The following ADAMTS13 variants were observed in gnomAD, a reference collection of about 807,000 sequenced individuals.
The protein encoded by ADAMTS13 is ADAM metallopeptidase with thrombospondin type 1 motif 13, also known as A disintegrin and metalloproteinase with thrombospondin motifs 13.
Under a neutral mutation model 155.1 loss-of-function variants are expected in ADAMTS13, and 110 were observed. That is an observed-to-expected ratio of 0.71 (90% CI 0.61 to 0.83). ADAMTS13 has a LOEUF of 0.83. Ranked by LOEUF, ADAMTS13 falls within the 40% of genes least tolerant of loss-of-function variation. The pLI is 0.00. For synonymous variants in ADAMTS13, 758 were observed against 756.4 expected, an observed-to-expected ratio of 1.00 and a Z score of -0.03; for missense variants, 1,707 against 1,891.7, an observed-to-expected ratio of 0.90 and a Z score of 1.81.
At chr9:133,426,913 C>T (rs1840320636) in intron 6 of ADAMTS13, among the ~76,000 whole-genome samples, 1 of 152,088 alleles carries the variant, frequency 6.6e-6, no homozygotes, top group Non-Finnish European at 1.5e-5. Context: ...AAGTGATTCT[C>T]CCACCTCAGC....
At position 133,439,685 on chromosome 9, in the gene ADAMTS13, G is replaced by T. The variant is rs587687872; in HGVS notation, c.1786+239G>T. Among the ~76,000 whole-genome samples the T allele has an allele frequency of 2.0e-5, 3 of 152,368 alleles. No individual in the cohort carries two copies. The South Asian group carries it at 6.2e-4, about 32-fold the overall frequency. On this transcript the variant is annotated intron_variant, in intron 15 of 28. Coordinates refer to ENST00000355699, the MANE Select transcript of ADAMTS13 (RefSeq NM_139027.6). The stretch of plus-strand genomic sequence containing the variant: ...GTCCAAGGGAAGAGATGTAGGCAGA[G>T]TCTGGGAGGGTCCAACCAGGAGGCC...
At position 133,426,237 on chromosome 9, in the gene ADAMTS13, G is replaced by A. The variant is rs782083669; in HGVS notation, c.578G>A (p.Arg193Gln). The change falls in exon 6 of 29, where the codon CGG becomes CAG. Residue 193 changes from arginine (R) to glutamine (Q), a missense_variant. This residue lies in a region of ADAMTS13 where 733 missense variants were observed against 749.6 expected (regional missense o/e 0.98). Transcript: ENST00000355699. ...TTGCCTGATGGTAACCGGCAGGTGC[G>A]GGGCGTCACCCAGCTGGGCGGTGCC... ...LELPDGNRQV[R>Q]GVTQLGGACS... 17 of 1,613,304 alleles carry A rather than the reference G, an allele frequency of 1.1e-5. No homozygotes were observed. The highest frequency in any genetic ancestry group is 3.3e-5 in the South Asian group (3 of 91,088).
chr9:133,458,948 C>T, intron 28 of ADAMTS13, 26 bp from the exon 29 acceptor site: 2 of 1,604,986 alleles, frequency 1.2e-6, no homozygotes, highest in Non-Finnish European at 1.7e-6. Flanking sequence ...GTGGCCGGTC[C>T]TTCTGGGCTG....
chr9:133,422,604 G>C (rs782379249), intron 1 of ADAMTS13, 56 bp downstream of exon 1: 117 of 1,579,372 alleles, frequency 7.4e-5, no homozygotes, highest in Non-Finnish European at 8.7e-5. Flanking sequence ...GGGGTATTCT[G>C]AGCTACCTGG....
intron 27 of ADAMTS13, among the ~76,000 whole-genome samples, chr9:133,457,613 C>G (rs1311884492): frequency 6.6e-6 from 1 of 152,234 alleles, no homozygotes; most frequent in African/African-American, 2.4e-5. Context: ...TTGCCAGTTT[C>G]AGTGTTAAAC....
rs1554795941 is a variant in ADAMTS13 at position 133,456,249 on chromosome 9, T to C, written c.3547+34T>C. 1.9e-6 allele frequency: 3 copies of C among 1,613,018 alleles called. No individual in the cohort carries two copies. In the Admixed American group the frequency reaches 5.0e-5, roughly 27 times the overall value. ...AGGGCCATGCAAGCGATGCTGCCAG[T>C]TATGGGCCCTGCCAGGAGCCAGCAC... On this transcript the variant is annotated intron_variant, in intron 26 of 28. Coordinates refer to ENST00000355699, the MANE Select transcript of ADAMTS13 (RefSeq NM_139027.6). The surrounding 1 kb of genome is among the most constrained non-coding windows in gnomAD (Gnocchi z 4.4).
Position 133,432,003 on chromosome 9 carries a change from C to T in ADAMTS13, c.988-585C>T, listed in dbSNP as rs1432348438. On this transcript the variant is annotated intron_variant, in intron 8 of 28. Coordinates refer to ENST00000355699, the MANE Select transcript of ADAMTS13 (RefSeq NM_139027.6). Reference sequence around the variant, plus strand: ...ATTAGGCCAGGTGTGGTGGCTCACGCCTGTAATCCCAGCACTTTGGGAAGC... The same window carrying T: ...ATTAGGCCAGGTGTGGTGGCTCACGTCTGTAATCCCAGCACTTTGGGAAGC... Among the ~76,000 whole-genome samples the T allele has an allele frequency of 2.0e-5, 3 of 151,600 alleles. 1 individual carries two copies. In the East Asian group the frequency reaches 5.8e-4, roughly 29 times the overall value.
intron 14 of ADAMTS13, 92 bp from the exon 15 acceptor site, chr9:133,439,273 TC>T: frequency 9.9e-7 from 1 of 1,013,652 alleles, no homozygotes; most frequent in South Asian, 1.3e-5. Context: ...ATGGCATTGT[TC>T]AATTTTTCCC....
Position 133,426,954 on chromosome 9 carries a change from C to T in ADAMTS13, c.686+609C>T, listed in dbSNP as rs4962147. Among the ~76,000 whole-genome samples, 5 of 152,274 alleles carry T rather than the reference C, an allele frequency of 3.3e-5. No individual in the cohort carries two copies. The South Asian group carries it at 6.2e-4, about 19-fold the overall frequency. ...AAGTAGCTGGGATTACAGGCATGTGCCACCACGCCCAGCTAATTTTGTATT... is the reference window on the plus strand; with the variant it reads ...AAGTAGCTGGGATTACAGGCATGTGTCACCACGCCCAGCTAATTTTGTATT... On this transcript the variant is annotated intron_variant, in intron 6 of 28. Transcript: ENST00000355699.
At chr9:133,442,042 C>T (rs1307470062) in intron 16 of ADAMTS13, among the ~76,000 whole-genome samples, 1 of 152,226 alleles carries the variant, frequency 6.6e-6, no homozygotes, top group Non-Finnish European at 1.5e-5. Flanking sequence ...CCTTGCAGCT[C>T]AGCCAGTGTC....
chr9:133,436,778 ACCC>A, intron 11 of ADAMTS13, 48 bp from the exon 12 acceptor site: 2 of 433,944 alleles, frequency 4.6e-6, no homozygotes, highest in Non-Finnish European at 9.2e-6. Flanking sequence ...CAGTGACAAC[ACCC>A]GCCCCCCGCC....
At chr9:133,420,652 C>G (rs1839917748), upstream of ADAMTS13, among the ~76,000 whole-genome samples, 1 of 152,082 alleles carries the variant, frequency 6.6e-6, no homozygotes, top group African/African-American at 2.4e-5. Flanking sequence ...TGAAACCATC[C>G]CAGAGTTAAG....
chr9:133,437,161 C>T (rs1841300653), intron 12 of ADAMTS13, among the ~76,000 whole-genome samples: 1 of 152,140 alleles, frequency 6.6e-6, no homozygotes, highest in African/African-American at 2.4e-5. Context: ...GTCTCAATTT[C>T]CCATCTGTGA....
At chr9:133,419,276 G>A (rs1554782464), upstream of ADAMTS13, among the ~76,000 whole-genome samples, 4 of 152,176 alleles carry the variant, frequency 2.6e-5, no homozygotes. Flanking sequence ...CGGGGAGCAG[G>A]GTGAAGTATG....
Position 133,424,370 on chromosome 9 carries a change from G to A in ADAMTS13, c.222G>A (p.Arg74=). 1 of 1,613,380 alleles carries A rather than the reference G, an allele frequency of 6.2e-7. No individual in the cohort carries two copies. The highest frequency in any genetic ancestry group is 1.1e-5 in the South Asian group (1 of 91,060). ...AGAGGCAGAGGCAGAGGCAGAGGCG[G>A]GCTGCAGGCGGCATCCTACACCTGG... The part of the protein sequence containing the change: ...GFQRQRQRQR[R]AAGGILHLEL... Residue 74 remains arginine, a synonymous_variant, in exon 3 of 29, where the codon CGG becomes CGA. Coordinates refer to ENST00000355699, the MANE Select transcript of ADAMTS13 (RefSeq NM_139027.6). The surrounding 1 kb of genome is among the most constrained non-coding windows in gnomAD (Gnocchi z 4.3).
chr9:133,414,709 A>T (rs1167068707), intron 1 of ADAMTS13: 1 of 1,613,940 alleles, frequency 6.2e-7, no homozygotes, highest in Non-Finnish European at 8.5e-7. Context: ...TCCGCTTCTT[A>T]TGCTCGATGT....
chr9:133,427,198 C>T (rs587743542), intron 6 of ADAMTS13, among the ~76,000 whole-genome samples: 2 of 152,190 alleles, frequency 1.3e-5, no homozygotes, highest in East Asian at 1.9e-4. Flanking sequence ...AGGTGTGCAC[C>T]GTAATTTATT....
In ADAMTS13 at chr9:133,459,165, A is replaced by G. The variant is rs1554797187; in HGVS notation, c.4101A>G (p.Gly1367=). The G allele has an allele frequency of 1.9e-6, 3 of 1,610,860 alleles. No homozygotes were observed. The highest frequency in any genetic ancestry group is 2.7e-5 in the African/African-American group (2 of 74,864). ...TGCAGGACCCTCAGTCCTGGAAGGG[A>G]AAGGAAGGAACCTGAGGGTCATTGA... ...PEMQDPQSWK[G]KEGT Residue 1367 remains glycine, a synonymous_variant, in exon 29 of 29, where the codon GGA becomes GGG. Coordinates refer to ENST00000355699, the MANE Select transcript of ADAMTS13 (RefSeq NM_139027.6).
chr9:133,455,556 A>T, intron 25 of ADAMTS13, 121 bp downstream of exon 25: 1 of 1,608,986 alleles, frequency 6.2e-7, no homozygotes, highest in Non-Finnish European at 8.5e-7. Context: ...CCGGCTCCCC[A>T]GCCTCGGCGG....
Sources: allele counts gnomAD v4.1 joint callset (sites outside exome capture counted in the v4.1 genomes callset), GRCh38; gene constraint gnomAD v4.1.1; regional missense constraint gnomAD v4.1.1; non-coding constraint Gnocchi (gnomAD v3.1); transcripts MANE v1.5; gene names NCBI Gene and HGNC (gene_info 2026-07-23, HGNC 2026-07-21).